The following RETREG3 variants were observed in gnomAD, a reference collection of about 807,000 sequenced individuals.
The protein encoded by RETREG3 is reticulophagy regulator 3.
A neutral mutation model predicts 50.2 loss-of-function variants in RETREG3; 23 were observed. The ratio of observed to expected loss-of-function variants is 0.46; its 90% confidence interval spans 0.33 to 0.65. The LOEUF (loss-of-function observed/expected upper bound fraction) is 0.65. Ranked by LOEUF, RETREG3 falls within the 30% of genes least tolerant of loss-of-function variation. The pLI, the probability that RETREG3 is intolerant of heterozygous loss-of-function variation, is 0.02. For missense variants in RETREG3, 546 were observed against 598.0 expected (o/e 0.91, Z 0.91); for synonymous variants, 240 against 234.4 (o/e 1.02, Z -0.22).
rs2093105848 is a variant in RETREG3, at chr17:42,580,755, A to C, written c.*1058T>G. 6.6e-6 allele frequency: 1 copy of C among 152,078 alleles called. No homozygotes were observed. The highest frequency in any genetic ancestry group is 6.6e-5 in the Admixed American group (1 of 15,212). 9.4% of individuals were successfully genotyped at this position (152,078 alleles called of 1,614,324 possible). A position where few individuals can be genotyped will look rare whatever the true frequency, so the allele number is the denominator to read the frequency against. ...TTTGCTTTAAAAAAAAAAAAAAATC[A>C]CGCTGGGCACAGTGGCTCACACCTG... On this transcript the variant is annotated 3_prime_UTR_variant, in exon 9 of 9. Coordinates refer to ENST00000309428, the MANE Select transcript of RETREG3 (RefSeq NM_178126.4).
intron 1 of RETREG3, among the ~76,000 whole-genome samples, chr17:42,608,129 T>A (rs2093171778): frequency 6.6e-6 from 1 of 152,194 alleles, no homozygotes; most frequent in Admixed American, 6.5e-5. Context: ...ACACACATAT[T>A]TTGTTGTTTC....
intron 2 of RETREG3, among the ~76,000 whole-genome samples, chr17:42,590,091 C>A (rs1424866434): frequency 6.6e-6 from 1 of 152,180 alleles, no homozygotes; most frequent in Non-Finnish European, 1.5e-5. Flanking sequence ...GTCGTCCCAG[C>A]TACTCAGGAG....
chr17:42,584,210 T>C (rs2093116346), intron 6 of RETREG3, among the ~76,000 whole-genome samples: 1 of 152,132 alleles, frequency 6.6e-6, no homozygotes, highest in South Asian at 2.1e-4. Flanking sequence ...TAAGTGGACA[T>C]GATCAAAGAG....
intron 2 of RETREG3, among the ~76,000 whole-genome samples, chr17:42,591,757 A>G (rs2093133722): frequency 6.6e-6 from 1 of 152,146 alleles, no homozygotes. Flanking sequence ...TCCAATAACG[A>G]TAATTTATTA....
Position 42,585,139 on chromosome 17 carries a change from T to C in RETREG3, c.713A>G (p.Gln238Arg). The change falls in exon 6 of 9, where the codon CAG (glutamine) becomes CGG (arginine). Residue 238 changes from glutamine to arginine, a missense_variant. Coordinates refer to ENST00000309428, the MANE Select transcript of RETREG3 (RefSeq NM_178126.4). ...ATGACACTTACATTGTCTCTCTCTC[T>C]GCTTGGACATCATGTAGCCACGGAC... The part of the protein sequence containing the change: ...FSVRGYMMSK[Q>R]RERQLRRRAL... The C allele has an allele frequency of 1.2e-6, 2 of 1,613,318 alleles. No homozygotes were observed. The highest frequency in any genetic ancestry group is 2.2e-5 in the East Asian group (1 of 44,876).
intron 6 of RETREG3, 38 bp downstream of exon 6, chr17:42,585,087 A>G: frequency 6.2e-7 from 1 of 1,603,668 alleles, no homozygotes; most frequent in Non-Finnish European, 8.5e-7. Flanking sequence ...TTTCGCCCCA[A>G]ATTGCGTAAG....
At chr17:42,599,636 A>G (rs1460800035) in intron 1 of RETREG3, among the ~76,000 whole-genome samples, 2 of 146,402 alleles carry the variant, frequency 1.4e-5, no homozygotes, top group Non-Finnish European at 3.0e-5. Context: ...CCTGGGTGAC[A>G]GAGTAAGGCT....
chr17:42,582,579 CAG>C, intron 8 of RETREG3, 93 bp downstream of exon 8: 1 of 1,542,540 alleles, frequency 6.5e-7, no homozygotes, highest in Non-Finnish European at 8.8e-7. Flanking sequence ...GCTCAGAAAA[CAG>C]GAGAGGGGCA....
chr17:42,586,207 G>C, intron 4 of RETREG3, 70 bp from the exon 5 acceptor site: 2 of 1,439,634 alleles, frequency 1.4e-6, no homozygotes, highest in Non-Finnish European at 2.0e-6. Context: ...TGAAGGGTTA[G>C]GGTAGAGATA....
rs527585475 is a variant in RETREG3, at chr17:42,590,424, T to C, written c.346+1632A>G. On this transcript the variant is annotated intron_variant, in intron 2 of 8. Coordinates refer to ENST00000309428, the MANE Select transcript of RETREG3 (RefSeq NM_178126.4). ...CGGTGACTCACGTCTGTAATCCCAGTACTTTGGAAGGCTGAGGCGGGCAGA... is the reference window on the plus strand; with the variant it reads ...CGGTGACTCACGTCTGTAATCCCAGCACTTTGGAAGGCTGAGGCGGGCAGA... Among the ~76,000 whole-genome samples the C allele has an allele frequency of 2.1e-4, 32 of 151,572 alleles. No homozygotes were observed. The South Asian group carries it at 3.8e-3, about 18-fold the overall frequency.
chr17:42,586,189 G>C (rs767908237), intron 4 of RETREG3, 52 bp from the exon 5 acceptor site: 1 of 1,574,698 alleles, frequency 6.4e-7, no homozygotes, highest in South Asian at 1.1e-5. Flanking sequence ...AGGGGACTGG[G>C]GTGGGTGTGA....
chr17:42,586,592 T>C (rs55985470), intron 4 of RETREG3, among the ~76,000 whole-genome samples, 173 bp downstream of exon 4: 50,281 of 152,110 alleles, frequency 0.33, 9,726 homozygotes, highest in East Asian at 0.54. Context: ...ACCAAGCTCC[T>C]GTGTTAGTCC....
intron 1 of RETREG3, chr17:42,599,153 G>C (rs995155895): frequency 6.6e-6 from 1 of 152,180 alleles, no homozygotes; most frequent in African/African-American, 2.4e-5. Flanking sequence ...CTGGGGAAGG[G>C]AAGCAGCAGC....
intron 1 of RETREG3, among the ~76,000 whole-genome samples, chr17:42,595,028 G>A (rs1407589215): frequency 2.9e-5 from 4 of 136,850 alleles, no homozygotes; most frequent in South Asian, 2.5e-4. Context: ...GTGCAATGGC[G>A]CGATCTTGGC....
At chr17:42,600,340 C>T (rs1331485037) in intron 1 of RETREG3, among the ~76,000 whole-genome samples, 2 of 151,994 alleles carry the variant, frequency 1.3e-5, no homozygotes, top group Non-Finnish European at 2.9e-5. Context: ...TCTGATTGTG[C>T]CACTGCACTC....
At chr17:42,608,175 C>A (rs943650243) in intron 1 of RETREG3, among the ~76,000 whole-genome samples, 1 of 152,210 alleles carries the variant, frequency 6.6e-6, no homozygotes, top group Admixed American at 6.5e-5. Context: ...CATTCAGCAG[C>A]AGAAAGCCCC....
chr17:42,592,803 T>G (rs949200722), intron 1 of RETREG3, among the ~76,000 whole-genome samples: 6 of 151,962 alleles, frequency 3.9e-5, no homozygotes, highest in African/African-American at 1.5e-4. Context: ...AATACAAAAA[T>G]TAGCCGGGTG....
At chr17:42,592,913 A>G (rs1300157491) in intron 1 of RETREG3, among the ~76,000 whole-genome samples, 4 of 152,134 alleles carry the variant, frequency 2.6e-5, no homozygotes, top group African/African-American at 7.2e-5. Context: ...CTAGAACCCA[A>G]GAGGCGGAGG....
chr17:42,608,864 G>T, intron 1 of RETREG3: 1 of 543,092 alleles, frequency 1.8e-6, no homozygotes, highest in Non-Finnish European at 3.2e-6. Context: ...GCGGGGCGGG[G>T]GTGCGGGCAC....
Sources: gnomAD v4.1 joint callset for allele counts (sites outside exome capture counted in the v4.1 genomes callset) on GRCh38, gnomAD v4.1.1 for gene constraint, MANE v1.5 for transcripts, NCBI Gene and HGNC (gene_info 2026-07-23, HGNC 2026-07-21) for gene names.